The following MRPL13 variants were observed in gnomAD, a reference collection of about 807,000 sequenced individuals.
MRPL13 encodes the protein mitochondrial ribosomal protein L13, also known as large ribosomal subunit protein uL13m.
In MRPL13, 33 loss-of-function variants were observed where a neutral mutation model predicts 29.0. That is an observed-to-expected ratio of 1.14 (90% CI 0.86 to 1.52). The LOEUF (loss-of-function observed/expected upper bound fraction) is 1.52. Ranked by LOEUF, MRPL13 falls within the 40% of genes most tolerant of loss-of-function variation. MRPL13 has a pLI of 0.00. For missense variants in MRPL13, 227 were observed against 216.7 expected (o/e 1.05, Z -0.30); for synonymous variants, 77 against 68.4 (o/e 1.13, Z -0.62).
chr8:120,424,736 A>G (rs1164082179), intron 4 of MRPL13, among the ~76,000 whole-genome samples: 1 of 152,160 alleles, frequency 6.6e-6, no homozygotes, highest in Non-Finnish European at 1.5e-5. Flanking sequence ...ACTGTGCTCT[A>G]GCCTGGGTGA....
At chr8:120,442,719 T>A (rs1167452745) in intron 2 of MRPL13, among the ~76,000 whole-genome samples, 1 of 152,154 alleles carries the variant, frequency 6.6e-6, no homozygotes, top group Non-Finnish European at 1.5e-5. Context: ...GGAAAAAGGA[T>A]ACAGAAAAGC....
intron 1 of MRPL13, 40 bp downstream of exon 1, chr8:120,445,028 G>C (rs758631733): frequency 1.9e-6 from 3 of 1,613,616 alleles, no homozygotes; most frequent in Admixed American, 1.7e-5. Context: ...CCTTCTGCCA[G>C]TATAATGAAC....
intron 6 of MRPL13, among the ~76,000 whole-genome samples, chr8:120,406,039 T>C (rs1812663991): frequency 6.6e-6 from 1 of 152,178 alleles, no homozygotes; most frequent in Non-Finnish European, 1.5e-5. Context: ...TTTTAAAATG[T>C]GCGTTAATGT....
intron 6 of MRPL13, among the ~76,000 whole-genome samples, chr8:120,403,527 C>T (rs1428516652): frequency 6.6e-5 from 10 of 152,020 alleles, no homozygotes; most frequent in South Asian, 4.2e-4. Flanking sequence ...GGAAGAATAG[C>T]GAATGGATGC....
At chr8:120,414,692 G>A (rs1018820586) in intron 5 of MRPL13, 1 of 152,218 alleles carries the variant, frequency 6.6e-6, no homozygotes, top group African/African-American at 2.4e-5. Flanking sequence ...TAGCTAGACA[G>A]TGTCGTTACC....
At chr8:120,426,803 G>A (rs546713599) in intron 3 of MRPL13, among the ~76,000 whole-genome samples, 3 of 152,204 alleles carry the variant, frequency 2.0e-5, no homozygotes, top group African/African-American at 7.2e-5. Flanking sequence ...ACACTTAAAT[G>A]TGTATCATGC....
intron 5 of MRPL13, chr8:120,415,060 G>A (rs1365618495): frequency 6.6e-6 from 1 of 152,128 alleles, no homozygotes; most frequent in Non-Finnish European, 1.5e-5. Context: ...AAAGAAGAAA[G>A]CATTGGAATT....
At chr8:120,403,710 G>A (rs1288407299) in intron 6 of MRPL13, among the ~76,000 whole-genome samples, 2 of 152,108 alleles carry the variant, frequency 1.3e-5, no homozygotes, top group African/African-American at 4.8e-5. Context: ...AAAAGTAGAT[G>A]ACTTTGTTTG....
At chr8:120,442,233 T>C (rs1586930162) in intron 2 of MRPL13, among the ~76,000 whole-genome samples, 1 of 152,054 alleles carries the variant, frequency 6.6e-6, no homozygotes, top group Admixed American at 6.5e-5. Context: ...AGATGAGGAG[T>C]AATGGAAACT....
intron 6 of MRPL13, among the ~76,000 whole-genome samples, chr8:120,400,465 G>A (rs1176006412): frequency 2.6e-5 from 4 of 151,994 alleles, no homozygotes; most frequent in African/African-American, 4.8e-5. Flanking sequence ...TCTCTGAGAC[G>A]CAGCTAAAGC....
intron 2 of MRPL13, among the ~76,000 whole-genome samples, chr8:120,432,878 T>C (rs556958624): frequency 1.8e-4 from 28 of 152,158 alleles, no homozygotes; most frequent in African/African-American, 6.7e-4. Flanking sequence ...ATTAGAAACA[T>C]TTATAAAATA....
At chr8:120,417,954 G>A (rs1257010965) in intron 5 of MRPL13, among the ~76,000 whole-genome samples, 1 of 151,838 alleles carries the variant, frequency 6.6e-6, no homozygotes, top group African/African-American at 2.4e-5. Flanking sequence ...TAAAATTTTA[G>A]CATGATTAAC....
chr8:120,421,133 T>C (rs1175119965), intron 4 of MRPL13, among the ~76,000 whole-genome samples: 1 of 151,844 alleles, frequency 6.6e-6, no homozygotes, highest in Non-Finnish European at 1.5e-5. Flanking sequence ...ACCTTCCTCA[T>C]ATAATCTATA....
intron 2 of MRPL13, among the ~76,000 whole-genome samples, chr8:120,436,338 A>G (rs982056740): frequency 7.2e-5 from 11 of 152,110 alleles, no homozygotes; most frequent in Non-Finnish European, 1.6e-4. Flanking sequence ...CCTCATCAGC[A>G]TCTGTTGTCA....
intron 6 of MRPL13, among the ~76,000 whole-genome samples, chr8:120,396,589 AGT>A (rs1183653699): frequency 6.6e-6 from 1 of 152,212 alleles, no homozygotes; most frequent in African/African-American, 2.4e-5. Context: ...ATACAAAATA[AGT>A]GTATAAACAT....
At chr8:120,406,555 ATGTGTG>A (rs72150915) in intron 6 of MRPL13, among the ~76,000 whole-genome samples, 2,354 of 147,122 alleles carry the variant, frequency 0.016, 21 homozygotes, top group Middle Eastern at 0.029. Context: ...ATATGTGTGC[ATGTGTG>A]TGTGTGTGTG....
intron 6 of MRPL13, among the ~76,000 whole-genome samples, chr8:120,405,745 A>G (rs1020980094): frequency 6.6e-6 from 1 of 152,224 alleles, no homozygotes; most frequent in African/African-American, 2.4e-5. Context: ...AAAAGTTGGT[A>G]ACCCATATAT....
intron 2 of MRPL13, among the ~76,000 whole-genome samples, chr8:120,437,716 C>T (rs1813071358): frequency 1.3e-5 from 2 of 152,092 alleles, no homozygotes; most frequent in South Asian, 2.1e-4. Flanking sequence ...AATGAAAAGT[C>T]GGTTTCCACA....
At chr8:120,427,107 A>G (rs1032787948) in intron 3 of MRPL13, among the ~76,000 whole-genome samples, 2 of 152,194 alleles carry the variant, frequency 1.3e-5, no homozygotes, top group Admixed American at 1.3e-4. Flanking sequence ...AAATAACTAC[A>G]GTAAATGACA....
Sources: gnomAD v4.1 joint callset for allele counts (sites outside exome capture counted in the v4.1 genomes callset) on GRCh38, gnomAD v4.1.1 for gene constraint, MANE v1.5 for transcripts, NCBI Gene and HGNC (gene_info 2026-07-23, HGNC 2026-07-21) for gene names.